ANKHD1: variants seen among roughly 807,000 people sequenced by gnomAD.
The protein encoded by ANKHD1 is ankyrin repeat and KH domain-containing protein 1.
Under a neutral mutation model 230.5 loss-of-function variants are expected in ANKHD1, and 31 were observed. That is an observed-to-expected ratio of 0.13 (90% CI 0.10 to 0.18). ANKHD1 has a LOEUF of 0.18. Among genes scored for constraint, ANKHD1 ranks in the 10% least tolerant of loss-of-function variants. The pLI, the probability that ANKHD1 is intolerant of heterozygous loss-of-function variation, is 1.00. For missense variants in ANKHD1, 2,256 were observed against 3,071.3 expected (o/e 0.73, Z 6.27); for synonymous variants, 1,074 against 1,117.6 (o/e 0.96, Z 0.78).
intron 29 of ANKHD1, among the ~76,000 whole-genome samples, chr5:140,531,607 A>G (rs1365499540): frequency 6.6e-6 from 1 of 152,138 alleles, no homozygotes; most frequent in Non-Finnish European, 1.5e-5. Context: ...AATACTTAAG[A>G]AGATGGGAAA....
At chr5:140,533,792 A>C (rs969556049) in intron 29 of ANKHD1, among the ~76,000 whole-genome samples, 32 of 151,228 alleles carry the variant, frequency 2.1e-4, no homozygotes, top group Admixed American at 7.9e-4. Flanking sequence ...AAAAAAAAAA[A>C]AAAAAAACAA....
chr5:140,505,998 C>A, intron 18 of ANKHD1, 129 bp downstream of exon 18: 1 of 1,399,840 alleles, frequency 7.1e-7, no homozygotes, highest in Non-Finnish European at 9.5e-7. Flanking sequence ...GAGGCAGGGT[C>A]TTGCTCTGTC....
At position 140,512,808 on chromosome 5, in the gene ANKHD1, G is replaced by A; in HGVS notation, c.4105-20G>A. On this transcript the variant is annotated intron_variant, in intron 22 of 33. Transcript: ENST00000360839. ...TTTCTTTTCATGCTACCTTGTCTAA[G>A]ATTGTTGTACTTCTTATAGGGTCAT... 6.4e-7 allele frequency: 1 copy of A among 1,566,992 alleles called. No individual in the cohort carries two copies. The highest frequency in any genetic ancestry group is 2.0e-5 in the Admixed American group (1 of 49,776).
At position 140,487,010 on chromosome 5, in the gene ANKHD1, C is replaced by G. The variant is rs1479388085; in HGVS notation, c.2195C>G (p.Pro732Arg). Residue 732 changes from proline (P) to arginine (R), a missense_variant, in exon 14 of 34, where the codon CCT (proline) becomes CGT (arginine). Around this residue, in one of 13 missense-constraint regions of ANKHD1, gnomAD observed 358 missense variants for 397.7 expected, o/e 0.90. Transcript: ENST00000360839. Reference protein sequence around the residue: ...TLAMVVPPQEPDRTSQENSPA... With the variant: ...TLAMVVPPQERDRTSQENSPA... ...GCCATGGTTGTACCTCCCCAGGAACCTGACAGAACTTCACAGGAGAACTCT... is the reference window on the plus strand; with the variant it reads ...GCCATGGTTGTACCTCCCCAGGAACGTGACAGAACTTCACAGGAGAACTCT... The G allele has an allele frequency of 1.2e-6, 2 of 1,613,622 alleles. No individual in the cohort carries two copies. The highest frequency in any genetic ancestry group is 2.2e-5 in the East Asian group (1 of 44,842).
In ANKHD1 at chr5:140,497,187, T is replaced by C. The variant is rs779601059; in HGVS notation, c.2913T>C (p.His971=). The C allele has an allele frequency of 2.5e-6, 4 of 1,613,534 alleles. No individual in the cohort carries two copies. Among genetic ancestry groups the C allele is most frequent in the East Asian group, 2.2e-5 (1 of 44,880 alleles). ...AGCCTCAGATTGCTATTACTGGACA[T>C]GATCAGGGGCTGTTAGTTCAAGAAC... ...VGQPQIAITG[H]DQGLLVQEPD... Residue 971 remains histidine, a synonymous_variant, in exon 15 of 34, where the codon CAT becomes CAC. Coordinates refer to ENST00000360839, the MANE Select transcript of ANKHD1 (RefSeq NM_017747.3).
intron 1 of ANKHD1, among the ~76,000 whole-genome samples, chr5:140,418,720 C>G (rs1007146518): frequency 2.0e-5 from 3 of 152,128 alleles, no homozygotes; most frequent in African/African-American, 7.2e-5. Flanking sequence ...AATATTGTAG[C>G]AGGTATCAAT....
chr5:140,494,016 A>G (rs1418851415), intron 14 of ANKHD1, among the ~76,000 whole-genome samples: 1 of 152,240 alleles, frequency 6.6e-6, no homozygotes, highest in East Asian at 1.9e-4. Context: ...CAAATTGCTT[A>G]GTAGCTATAC....
At chr5:140,441,495 A>G (rs1581250167) in intron 5 of ANKHD1, among the ~76,000 whole-genome samples, 1 of 152,058 alleles carries the variant, frequency 6.6e-6, no homozygotes, top group Non-Finnish European at 1.5e-5. Flanking sequence ...GCATGATCTC[A>G]CTTTTTTTTT....
chr5:140,430,373 A>C (rs1183652139), intron 1 of ANKHD1, among the ~76,000 whole-genome samples: 1 of 152,222 alleles, frequency 6.6e-6, no homozygotes, highest in Non-Finnish European at 1.5e-5. Flanking sequence ...TTTGCTGCTG[A>C]ATGTAGCTAC....
chr5:140,438,573 A>G lies in ANKHD1; in HGVS notation c.573A>G (p.Thr191=). 1 of 1,612,160 alleles carries G rather than the reference A, an allele frequency of 6.2e-7. No homozygotes were observed. The highest frequency in any genetic ancestry group is 8.5e-7 in the Non-Finnish European group (1 of 1,178,784). Residue 191 remains threonine, a synonymous_variant, in exon 3 of 34, where the codon ACA becomes ACG. Coordinates refer to ENST00000360839, the MANE Select transcript of ANKHD1 (RefSeq NM_017747.3). ...CALDEAAAAL[T]RMKAENSHNA... The stretch of plus-strand genomic sequence containing the variant: ...TGGATGAAGCTGCTGCTGCACTGAC[A>G]CGGATGAAAGCAGAAAACAGCCACA...
Position 140,464,768 on chromosome 5 carries a change from G to A in ANKHD1, c.1774G>A (p.Ala592Thr). ...TGCAGATGTTTTACTTCAAGCAGGG[G>A]CTGATTTAGTAAGATATTTTTAATT... ...DVADVLLQAGADLEHESEGGR... is the reference protein window; with the variant it reads ...DVADVLLQAGTDLEHESEGGR... The change falls in exon 10 of 34, where the codon GCT (alanine) becomes ACT (threonine). Residue 592 changes from alanine to threonine, a missense_variant. Around this residue, in one of 13 missense-constraint regions of ANKHD1, gnomAD observed 179 missense variants for 261.8 expected, o/e 0.68. Coordinates refer to ENST00000360839, the MANE Select transcript of ANKHD1 (RefSeq NM_017747.3). The A allele has an allele frequency of 6.3e-7, 1 of 1,598,564 alleles. No homozygotes were observed. The highest frequency in any genetic ancestry group is 8.6e-7 in the Non-Finnish European group (1 of 1,169,408).
At chr5:140,458,985 T>TATATAC (rs1775476430) in intron 8 of ANKHD1, 123 bp downstream of exon 8, 1 of 20,862 alleles carries the variant, frequency 4.8e-5, no homozygotes, top group Non-Finnish European at 8.2e-5. Context: ...TATATGCATA[T>TATATAC]ATATATATAT....
At chr5:140,520,313 A>C (rs1038319976) in intron 24 of ANKHD1, among the ~76,000 whole-genome samples, 3 of 151,360 alleles carry the variant, frequency 2.0e-5, no homozygotes, top group Non-Finnish European at 4.4e-5. Flanking sequence ...AAATAGGAAC[A>C]CTTTTACACT....
chr5:140,465,865 G>A (rs1373201861), intron 10 of ANKHD1, among the ~76,000 whole-genome samples: 2 of 152,098 alleles, frequency 1.3e-5, no homozygotes, highest in Non-Finnish European at 2.9e-5. Flanking sequence ...GTACATCTTA[G>A]TCTTTTGACT....
chr5:140,433,075 G>A (rs1163944481), intron 1 of ANKHD1, among the ~76,000 whole-genome samples: 1 of 148,134 alleles, frequency 6.8e-6, no homozygotes, highest in African/African-American at 2.5e-5. Flanking sequence ...AAAAAAAAAC[G>A]GGGGTTTCTT....
intron 1 of ANKHD1, among the ~76,000 whole-genome samples, chr5:140,423,381 T>G (rs1199266855): frequency 6.6e-6 from 1 of 152,212 alleles, no homozygotes; most frequent in Non-Finnish European, 1.5e-5. Flanking sequence ...GGATGATCAC[T>G]CTAAAGATTG....
chr5:140,432,729 G>C (rs1193069646), intron 1 of ANKHD1, among the ~76,000 whole-genome samples: 1 of 151,470 alleles, frequency 6.6e-6, no homozygotes, highest in Non-Finnish European at 1.5e-5. Flanking sequence ...TTTTTTAAGA[G>C]ACAGTGTCTT....
At chr5:140,442,767 C>T (rs1773960558) in intron 5 of ANKHD1, among the ~76,000 whole-genome samples, 2 of 152,138 alleles carry the variant, frequency 1.3e-5, no homozygotes, top group African/African-American at 4.8e-5. Flanking sequence ...CTCCCATAAA[C>T]TCTGTGGCAC....
At chr5:140,458,510 C>T in intron 7 of ANKHD1, 115 bp from the exon 8 acceptor site, 1 of 1,097,874 alleles carries the variant, frequency 9.1e-7, no homozygotes, top group Non-Finnish European at 1.3e-6. Context: ...GCTGAATCTT[C>T]TAATCTTGTC....
Sources: allele counts gnomAD v4.1 joint callset (sites outside exome capture counted in the v4.1 genomes callset), GRCh38; gene constraint gnomAD v4.1.1; regional missense constraint gnomAD v4.1.1; transcripts MANE v1.5; gene names NCBI Gene and HGNC (gene_info 2026-07-23, HGNC 2026-07-21).